GARRE1: variants seen among roughly 807,000 people sequenced by gnomAD.
GARRE1 encodes granule associated Rac and RHOG effector 1, also known as granule associated Rac and RHOG effector protein 1.
A neutral mutation model predicts 103.2 loss-of-function variants in GARRE1; 49 were observed. That is an observed-to-expected ratio of 0.47 (90% CI 0.38 to 0.60). The LOEUF is 0.60. Ranked by LOEUF, GARRE1 falls within the 20% of genes least tolerant of loss-of-function variation. GARRE1 has a pLI of 0.00. For synonymous variants in GARRE1, 505 were observed against 532.8 expected, an observed-to-expected ratio of 0.95 and a Z score of 0.72; for missense variants, 1,199 against 1,370.5, an observed-to-expected ratio of 0.87 and a Z score of 1.98.
Position 34,349,426 on chromosome 19 carries a change from G to T in GARRE1, c.2825+273G>T, listed in dbSNP as rs541900107. Among the ~76,000 whole-genome samples, 5 of 152,334 alleles carry T rather than the reference G, an allele frequency of 3.3e-5. No homozygotes were observed. In the South Asian group the frequency reaches 1.0e-3, roughly 32 times the overall value. On this transcript the variant is annotated intron_variant, in intron 12 of 13. Transcript: ENST00000299505. ...TTGCAGGAGGCACCCATTTCTGTGG[G>T]AAGAGCAGGCCTTTGGTTGCGAGTT...
At chr19:34,305,270 A>G (rs1214760028) in intron 2 of GARRE1, among the ~76,000 whole-genome samples, 1 of 152,160 alleles carries the variant, frequency 6.6e-6, no homozygotes, top group Non-Finnish European at 1.5e-5. Context: ...ACATGCATGG[A>G]TATGTACAGA....
At chr19:34,259,062 G>A (rs2073696171) in intron 1 of GARRE1, among the ~76,000 whole-genome samples, 1 of 152,140 alleles carries the variant, frequency 6.6e-6, no homozygotes, top group Non-Finnish European at 1.5e-5. Flanking sequence ...CAGCTACTTG[G>A]GAGGCTGAGG....
intron 1 of GARRE1, among the ~76,000 whole-genome samples, chr19:34,269,831 T>A (rs1361843518): frequency 1.3e-5 from 2 of 152,226 alleles, no homozygotes; most frequent in Non-Finnish European, 1.5e-5. Flanking sequence ...ACAGTTCAGT[T>A]TTTGCATGTC....
rs1411404913 is a variant in GARRE1, at chr19:34,355,211, G to T, written c.*2256G>T. 2.0e-5 allele frequency: 3 copies of T among 152,666 alleles called. No individual in the cohort carries two copies. Among genetic ancestry groups the T allele is most frequent in the Non-Finnish European group, 2.9e-5 (2 of 68,046 alleles). The allele number at this position is 152,666 out of a possible 1,614,324, so 9.5% of individuals were successfully genotyped here. The stretch of plus-strand genomic sequence containing the variant: ...GTCACTAATTGTCACTTTCCAGTTT[G>T]TTTTTCTCTATTAAGGAAGACATTT... On this transcript the variant is annotated 3_prime_UTR_variant, in exon 14 of 14. Coordinates refer to ENST00000299505, the MANE Select transcript of GARRE1 (RefSeq NM_014686.5).
At chr19:34,326,256 AG>A (rs1398455471) in intron 3 of GARRE1, among the ~76,000 whole-genome samples, 1 of 152,256 alleles carries the variant, frequency 6.6e-6, no homozygotes, top group African/African-American at 2.4e-5. Context: ...TATAGCTGCT[AG>A]TCATTTTCCT....
At position 34,341,817 on chromosome 19, in the gene GARRE1, A is replaced by G. The variant is rs745914457; in HGVS notation, c.1883A>G (p.His628Arg). The G allele has an allele frequency of 3.1e-6, 5 of 1,614,220 alleles. No homozygotes were observed. The highest frequency in any genetic ancestry group is 1.7e-5 in the Admixed American group (1 of 60,028). Reference protein sequence around the residue: ...FLMERRENFLHGDDGKDEKGM... With the variant: ...FLMERRENFLRGDDGKDEKGM... Reference sequence around the variant, plus strand: ...ATGGAGAGGCGTGAGAACTTCCTGCATGGAGATGACGGCAAGGATGAGAAG... The same window carrying G: ...ATGGAGAGGCGTGAGAACTTCCTGCGTGGAGATGACGGCAAGGATGAGAAG... Residue 628 changes from histidine (H) to arginine (R), a missense_variant, in exon 10 of 14, where the codon CAT becomes CGT. Transcript: ENST00000299505.
intron 8 of GARRE1, among the ~76,000 whole-genome samples, chr19:34,338,904 T>C (rs2074172955): frequency 1.3e-5 from 2 of 151,132 alleles, no homozygotes; most frequent in African/African-American, 4.9e-5. Flanking sequence ...GGTACAGGAG[T>C]AGAGAAAAAG....
At chr19:34,346,611 C>A (rs1361981994) in intron 10 of GARRE1, among the ~76,000 whole-genome samples, 1 of 152,124 alleles carries the variant, frequency 6.6e-6, no homozygotes, top group Non-Finnish European at 1.5e-5. Context: ...ACATACAGAG[C>A]ACCAAGACAA....
chr19:34,322,222 A>G (rs1261526193), intron 3 of GARRE1, among the ~76,000 whole-genome samples: 3 of 152,200 alleles, frequency 2.0e-5, no homozygotes, highest in Non-Finnish European at 4.4e-5. Flanking sequence ...CCCAGGATGG[A>G]GTATAATGGC....
At chr19:34,295,363 C>A (rs143137813) in intron 1 of GARRE1, among the ~76,000 whole-genome samples, 3 of 152,106 alleles carry the variant, frequency 2.0e-5, no homozygotes, top group Non-Finnish European at 4.4e-5. Context: ...TTCCAGAGTT[C>A]TGAAAAAGGT....
rs1456429269 is a variant in GARRE1 at position 34,300,635 on chromosome 19, G to A, written c.162G>A (p.Leu54=). 1 of 1,613,676 alleles carries A rather than the reference G, an allele frequency of 6.2e-7. No homozygotes were observed. Among genetic ancestry groups the A allele is most frequent in the Non-Finnish European group, 8.5e-7 (1 of 1,180,014 alleles). The part of the protein sequence containing the change: ...PLASTATTAP[L]GSLTAAGSCH... ...CATCCACGGCCACCACTGCCCCCCT[G>A]GGCAGTCTGACCGCTGCAGGCAGCT... Residue 54 remains leucine (L), a synonymous_variant, in exon 2 of 14, where the codon CTG becomes CTA. Coordinates refer to ENST00000299505, the MANE Select transcript of GARRE1 (RefSeq NM_014686.5).
intron 1 of GARRE1, chr19:34,296,507 C>A: frequency 1.3e-6 from 2 of 1,595,222 alleles, no homozygotes; most frequent in Non-Finnish European, 1.7e-6. Context: ...GCTTAACCTC[C>A]TTGGGCTTTA....
intron 3 of GARRE1, among the ~76,000 whole-genome samples, chr19:34,324,457 G>A (rs2074102760): frequency 6.7e-6 from 1 of 150,298 alleles, no homozygotes; most frequent in African/African-American, 2.5e-5. Context: ...TGCCATATTT[G>A]CTCATGCCTG....
chr19:34,340,030 G>A, intron 9 of GARRE1, 38 bp downstream of exon 9: 1 of 1,611,078 alleles, frequency 6.2e-7, no homozygotes, highest in Non-Finnish European at 8.5e-7. Context: ...CATACCGAGG[G>A]ACAGTGTGAC....
intron 2 of GARRE1, among the ~76,000 whole-genome samples, chr19:34,319,456 A>G (rs2074075197): frequency 6.6e-6 from 1 of 152,168 alleles, no homozygotes; most frequent in Admixed American, 6.5e-5. Flanking sequence ...TTTGGATTCC[A>G]TTTTCAACGG....
rs1192664496 is a variant in GARRE1 at position 34,299,708 on chromosome 19, C to T, written c.-766C>T. On this transcript the variant is annotated 5_prime_UTR_variant, in exon 2 of 14. Coordinates refer to ENST00000299505, the MANE Select transcript of GARRE1 (RefSeq NM_014686.5). ...GGACTTAGAAGCCTTACAAATACAT[C>T]TGTGCATTCTTGCTTCAGACTTTAC... 1 of 152,192 alleles carries T rather than the reference C, an allele frequency of 6.6e-6. No homozygotes were observed. The highest frequency in any genetic ancestry group is 1.5e-5 in the Non-Finnish European group (1 of 68,052). 9.4% of individuals were successfully genotyped at this position (152,192 alleles called of 1,614,324 possible).
intron 1 of GARRE1, among the ~76,000 whole-genome samples, chr19:34,282,258 TCTC>T (rs10552080): frequency 0.53 from 79,743 of 151,602 alleles, 22,677 homozygotes; most frequent in Non-Finnish European, 0.64. Context: ...TTCAAGCAAT[TCTC>T]CTGCCTTGGC....
chr19:34,255,726 C>A (rs2073667971), intron 1 of GARRE1, among the ~76,000 whole-genome samples: 1 of 148,398 alleles, frequency 6.7e-6, no homozygotes, highest in African/African-American at 2.5e-5. Context: ...CTCAAAACTT[C>A]TGGCCTCAAG....
At chr19:34,299,091 C>T (rs1276778124) in intron 1 of GARRE1, among the ~76,000 whole-genome samples, 2 of 152,198 alleles carry the variant, frequency 1.3e-5, no homozygotes, top group Non-Finnish European at 2.9e-5. Flanking sequence ...CACTTAAGCC[C>T]AGCTTGGTAT....
Sources: allele counts gnomAD v4.1 joint callset (sites outside exome capture counted in the v4.1 genomes callset), GRCh38; gene constraint gnomAD v4.1.1; transcripts MANE v1.5; gene names NCBI Gene and HGNC (gene_info 2026-07-23, HGNC 2026-07-21).